RNF32: variants seen among roughly 807,000 people sequenced by gnomAD.
The protein encoded by RNF32 is ring finger protein 32.
Under a neutral mutation model 41.0 loss-of-function variants are expected in RNF32, and 36 were observed. The ratio of observed to expected loss-of-function variants is 0.88; its 90% CI spans 0.67 to 1.16. RNF32 has a LOEUF of 1.16. Ranked by LOEUF, RNF32 falls within the 50% of genes most tolerant of loss-of-function variation. RNF32 has a pLI of 0.00. For missense variants in RNF32, 413 were observed against 436.7 expected (o/e 0.95, Z 0.48); for synonymous variants, 154 against 160.9 (o/e 0.96, Z 0.32).
chr7:156,644,855 T>A, intron 3 of RNF32, 98 bp downstream of exon 3: 2 of 1,280,972 alleles, frequency 1.6e-6, no homozygotes, highest in South Asian at 2.8e-5. Flanking sequence ...ATAACTTATT[T>A]ATAATTATAC....
In RNF32 at chr7:156,670,174, CA is replaced by C. The variant is rs1382053305; in HGVS notation, c.685-5518del. 6.6e-6 allele frequency among the ~76,000 whole-genome samples: 1 copy of C among 152,172 alleles called. No homozygotes were observed. Among genetic ancestry groups the C allele is most frequent in the Non-Finnish European group, 1.5e-5 (1 of 68,042 alleles). The stretch of plus-strand genomic sequence containing the variant: ...GCATTTAAGTCATACGTGGAATCAC[CA>C]AAAGCACACAATTCGTATTTCCCAC... On this transcript the variant is annotated intron_variant, in intron 7 of 8. Coordinates refer to ENST00000317955, the MANE Select transcript of RNF32 (RefSeq NM_030936.4). The surrounding 1 kb of genome is among the most constrained non-coding windows in gnomAD (Gnocchi z 4.3).
chr7:156,641,655 A>G (rs1797340850), intron 1 of RNF32, among the ~76,000 whole-genome samples: 3 of 152,230 alleles, frequency 2.0e-5, no homozygotes, highest in Admixed American at 2.0e-4. Flanking sequence ...GATATTAATG[A>G]CAGTGGTCTA....
chr7:156,640,757 C>G (rs918785340), upstream of RNF32: 10 of 267,882 alleles, frequency 3.7e-5, no homozygotes, highest in Admixed American at 3.0e-4. Context: ...CAGGGAGTTG[C>G]CTGAGGGAAA....
chr7:156,662,568 G>A (rs141519476), intron 7 of RNF32, among the ~76,000 whole-genome samples: 28 of 152,132 alleles, frequency 1.8e-4, no homozygotes, highest in African/African-American at 1.7e-4. Flanking sequence ...ACTCTCTTGC[G>A]TGTGCTTTCT....
chr7:156,643,869 TA>T lies in RNF32; in HGVS notation c.-7del. Reference sequence around the variant, plus strand: ...GTGATAGCCAAGCAACAACTTTTCCTAATTCGGCATGTTAAAAAATAAGGTA... The same window carrying T: ...GTGATAGCCAAGCAACAACTTTTCCTATTCGGCATGTTAAAAAATAAGGTA... On this transcript the variant is annotated 5_prime_UTR_variant, in exon 2 of 9. Coordinates refer to ENST00000317955, the MANE Select transcript of RNF32 (RefSeq NM_030936.4). The T allele has an allele frequency of 6.2e-7, 1 of 1,611,692 alleles. No homozygotes were observed. Among genetic ancestry groups the T allele is most frequent in the Non-Finnish European group, 8.5e-7 (1 of 1,177,840 alleles).
chr7:156,640,645 T>A (rs1166802203), upstream of RNF32: 3 of 365,306 alleles, frequency 8.2e-6, no homozygotes, highest in Non-Finnish European at 1.6e-5. Flanking sequence ...CGGGCGGGGC[T>A]GGCGAGCATG....
chr7:156,670,063 T>C lies in RNF32; in HGVS notation c.685-5633T>C, dbSNP rs1802140092. Among the ~76,000 whole-genome samples, 1 of 152,248 alleles carries C rather than the reference T, an allele frequency of 6.6e-6. No individual in the cohort carries two copies. Among genetic ancestry groups the C allele is most frequent in the South Asian group, 2.1e-4 (1 of 4,830 alleles). The stretch of plus-strand genomic sequence containing the variant: ...TTTATTTGCTGTTTATTTAATGTTA[T>C]TCTAAGAAAAAATTAAATTATAAAT... On this transcript the variant is annotated intron_variant, in intron 7 of 8. Transcript: ENST00000317955. This position sits in a 1 kb window ranked among gnomAD's most constrained non-coding sequence, Gnocchi z 4.3.
upstream of RNF32, chr7:156,640,484 C>T (rs915179874): frequency 1.1e-5 from 4 of 357,822 alleles, no homozygotes; most frequent in Admixed American, 1.1e-4. Context: ...CGAACACCCC[C>T]GCCAGGCGAT....
intron 1 of RNF32, among the ~76,000 whole-genome samples, chr7:156,641,542 A>G (rs1386624186): frequency 6.6e-6 from 1 of 152,222 alleles, no homozygotes; most frequent in Non-Finnish European, 1.5e-5. Flanking sequence ...TGGAGTAGGT[A>G]CTTGAAGGGT....
At position 156,676,485 on chromosome 7, in the gene RNF32, C is replaced by CGTGGGTGCGGTCAGT. The variant is rs777494830; in HGVS notation, c.920_921insTGGGTGCGGTCAGTG (p.Arg307_Val308insGlyCysGlyGlnCys). ...CCCTCTCTCCGCTGCTGGCGGTCAGCGCGTGGGTGCAGGCAGGCGTTCCAG... is the reference window on the plus strand; with the variant it reads ...CCCTCTCTCCGCTGCTGGCGGTCAGCGTGGGTGCGGTCAGTGCGTGGGTGCAGGCAGGCGTTCCAG... On this transcript the variant is annotated inframe_insertion, in exon 9 of 9. Transcript: ENST00000317955. 5.6e-6 allele frequency: 9 copies of CGTGGGTGCGGTCAGT among 1,613,576 alleles called. No homozygotes were observed. The highest frequency in any genetic ancestry group is 3.3e-4 in the Middle Eastern group (2 of 6,082).
In RNF32 at chr7:156,658,575, G is replaced by T; in HGVS notation, c.684+5G>T. 1 of 1,573,772 alleles carries T rather than the reference G, an allele frequency of 6.4e-7. No homozygotes were observed. Among genetic ancestry groups the T allele is most frequent in the Non-Finnish European group, 8.7e-7 (1 of 1,143,418 alleles). Reference sequence around the variant, plus strand: ...AAAAAATTCTTTGAAAAAAAGGTAGGTAAAGATCATTATGTTCTCCAGATA... The same window carrying T: ...AAAAAATTCTTTGAAAAAAAGGTAGTTAAAGATCATTATGTTCTCCAGATA... On this transcript the variant is annotated splice_donor_5th_base_variant and intron_variant, in intron 7 of 8. Coordinates refer to ENST00000317955, the MANE Select transcript of RNF32 (RefSeq NM_030936.4).
chr7:156,668,662 G>A (rs1477545059), intron 7 of RNF32, among the ~76,000 whole-genome samples: 15 of 152,220 alleles, frequency 9.9e-5, no homozygotes, highest in Admixed American at 9.2e-4. Context: ...CCGGAGTCCA[G>A]TGCCACAGCA....
chr7:156,666,117 G>C (rs1324609077), intron 7 of RNF32, among the ~76,000 whole-genome samples: 2 of 152,150 alleles, frequency 1.3e-5, no homozygotes, highest in Non-Finnish European at 2.9e-5. Flanking sequence ...GGCAAGGAGG[G>C]ATAATAGTTT....
At chr7:156,642,583 A>G (rs1337848369) in intron 1 of RNF32, among the ~76,000 whole-genome samples, 1 of 152,180 alleles carries the variant, frequency 6.6e-6, no homozygotes, top group African/African-American at 2.4e-5. Flanking sequence ...TTTATTTGAC[A>G]ATAATTTGTA....
intron 3 of RNF32, among the ~76,000 whole-genome samples, chr7:156,648,685 T>A (rs1247495667): frequency 6.6e-6 from 1 of 152,242 alleles, no homozygotes; most frequent in Non-Finnish European, 1.5e-5. Context: ...AATATTCCAC[T>A]TGGATTTCTG....
rs1278924379 is a variant in RNF32 at position 156,643,782 on chromosome 7, G to A, written c.-77-19G>A. On this transcript the variant is annotated intron_variant, in intron 1 of 8. Coordinates refer to ENST00000317955, the MANE Select transcript of RNF32 (RefSeq NM_030936.4). ...CTGTGCACTGTAACTTTGACTTTCT[G>A]TTGACCACGTCTTTGCAGCAGAAGA... 2.6e-6 allele frequency: 3 copies of A among 1,169,908 alleles called. No homozygotes were observed. The African/African-American group carries it at 4.5e-5, about 18-fold the overall frequency. 72.5% of individuals were successfully genotyped at this position (1,169,908 alleles called of 1,614,324 possible).
At position 156,661,479 on chromosome 7, in the gene RNF32, C is replaced by T. The variant is rs113964066; in HGVS notation, c.684+2909C>T. Among the ~76,000 whole-genome samples, 143 of 152,274 alleles carry T rather than the reference C, an allele frequency of 9.4e-4. 1 individual carries two copies. The highest frequency in any genetic ancestry group is 3.3e-3 in the African/African-American group (139 of 41,566). ...GGATTACAGGCACCCGCCATCATGC[C>T]CAGCTAATTTTTGTATTTTTTAGTA... On this transcript the variant is annotated intron_variant, in intron 7 of 8. Coordinates refer to ENST00000317955, the MANE Select transcript of RNF32 (RefSeq NM_030936.4).
chr7:156,662,151 T>C (rs1800753735), intron 7 of RNF32, among the ~76,000 whole-genome samples: 1 of 152,238 alleles, frequency 6.6e-6, no homozygotes, highest in African/African-American at 2.4e-5. Context: ...ATGCCCTATG[T>C]GCTTGTATGC....
chr7:156,640,532 G>A (rs767300640), upstream of RNF32: 33 of 368,884 alleles, frequency 8.9e-5, no homozygotes, highest in South Asian at 5.9e-4. Flanking sequence ...CGACGGGAAC[G>A]CACCTGCGTC....
Sources: gnomAD v4.1 joint callset for allele counts (sites outside exome capture counted in the v4.1 genomes callset) on GRCh38, gnomAD v4.1.1 for gene constraint, Gnocchi (gnomAD v3.1) non-coding constraint, MANE v1.5 for transcripts, NCBI Gene and HGNC (gene_info 2026-07-23, HGNC 2026-07-21) for gene names.